Variants in SLC24A2 observed in about 807,000 individuals in gnomAD.
The protein encoded by SLC24A2 is solute carrier family 24 member 2, also known as sodium/potassium/calcium exchanger 2.
Under a neutral mutation model 62.0 loss-of-function variants are expected in SLC24A2, and 36 were observed. That is an observed-to-expected ratio of 0.58 (90% CI 0.44 to 0.77). The LOEUF is 0.77. SLC24A2 is among the 30% of genes least tolerant of loss of function. The probability of loss-of-function intolerance (pLI) is 0.00; values close to 1 mark genes in which losing one functional copy is unlikely to be tolerated. For missense variants in SLC24A2, 846 were observed against 817.9 expected, an observed-to-expected ratio of 1.03 and a Z score of -0.42; for synonymous variants, 358 against 294.0, an observed-to-expected ratio of 1.22 and a Z score of -2.23.
At chr9:19,710,457 T>A (rs113996351) in intron 2 of SLC24A2, among the ~76,000 whole-genome samples, 8 of 152,060 alleles carry the variant, frequency 5.3e-5, no homozygotes, top group Non-Finnish European at 5.9e-5. Context: ...GACATCTACA[T>A]TGAGATATAA....
At chr9:20,075,698 AGG>A in the SLC24A2 span, among the ~76,000 whole-genome samples, 1 of 151,910 alleles carries the variant, frequency 6.6e-6, no homozygotes. Flanking sequence ...TTGAACAATC[AGG>A]GGGGGATACA....
At chr9:19,901,079 A>G in the SLC24A2 span, among the ~76,000 whole-genome samples, 9 of 152,208 alleles carry the variant, frequency 5.9e-5, no homozygotes, top group African/African-American at 1.9e-4. Flanking sequence ...TAATTTATTC[A>G]TTTAGCCAGT....
chr9:19,966,456 A>G, the SLC24A2 span, among the ~76,000 whole-genome samples: 1 of 152,232 alleles, frequency 6.6e-6, no homozygotes, highest in Admixed American at 6.5e-5. Flanking sequence ...AGAGCCAATA[A>G]TTTCTTGTAG....
At chr9:20,072,249 T>G in the SLC24A2 span, among the ~76,000 whole-genome samples, 1 of 152,154 alleles carries the variant, frequency 6.6e-6, no homozygotes. Flanking sequence ...AGATCCTTCT[T>G]GGTCTCTCTG....
intron 2 of SLC24A2, among the ~76,000 whole-genome samples, chr9:19,654,435 T>C (rs1052565769): frequency 6.6e-6 from 1 of 152,154 alleles, no homozygotes. Context: ...CTGGAGAACA[T>C]GGTTTTCTCC....
chr9:19,777,446 T>C (rs1822877694), intron 2 of SLC24A2, among the ~76,000 whole-genome samples: 1 of 152,210 alleles, frequency 6.6e-6, no homozygotes, highest in African/African-American at 2.4e-5. Flanking sequence ...AAATCAGAAA[T>C]TCATGTGTAA....
At chr9:19,627,894 C>T (rs1335097487) in intron 2 of SLC24A2, among the ~76,000 whole-genome samples, 1 of 152,044 alleles carries the variant, frequency 6.6e-6, no homozygotes, top group East Asian at 1.9e-4. Context: ...CTAATTTATT[C>T]CCTCTTTTAA....
chr9:20,188,443 G>A, the SLC24A2 span, among the ~76,000 whole-genome samples: 1 of 152,142 alleles, frequency 6.6e-6, no homozygotes, highest in African/African-American at 2.4e-5. Context: ...GAGCAAATGA[G>A]AGCAAGAGTA....
intron 2 of SLC24A2, among the ~76,000 whole-genome samples, chr9:19,746,550 T>C (rs1019343129): frequency 2.0e-5 from 3 of 152,132 alleles, no homozygotes; most frequent in Non-Finnish European, 2.9e-5. Flanking sequence ...ACTTCTATAA[T>C]AGGAAAAATA....
At chr9:20,283,849 C>A in the SLC24A2 span, among the ~76,000 whole-genome samples, 1 of 152,032 alleles carries the variant, frequency 6.6e-6, no homozygotes, top group Non-Finnish European at 1.5e-5. Flanking sequence ...CTTTTCTTGC[C>A]CTCTGGAATT....
At chr9:19,615,652 T>C (rs140650099) in intron 4 of SLC24A2, among the ~76,000 whole-genome samples, 1 of 152,332 alleles carries the variant, frequency 6.6e-6, no homozygotes, top group Non-Finnish European at 1.5e-5. Context: ...TCTCAGCATC[T>C]CTCAGATTCA....
At chr9:20,092,639 T>C in the SLC24A2 span, among the ~76,000 whole-genome samples, 1,034 of 152,332 alleles carry the variant, frequency 6.8e-3, 13 homozygotes, top group African/African-American at 0.024. Context: ...GTGTACAATG[T>C]GATGATTTGA....
the SLC24A2 span, among the ~76,000 whole-genome samples, chr9:20,112,057 A>G: frequency 6.6e-6 from 1 of 152,216 alleles, no homozygotes; most frequent in Non-Finnish European, 1.5e-5. Context: ...GAAAAAAAGT[A>G]GAGCTAACTG....
At chr9:19,916,549 G>C in the SLC24A2 span, among the ~76,000 whole-genome samples, 1 of 151,948 alleles carries the variant, frequency 6.6e-6, no homozygotes, top group South Asian at 2.1e-4. Context: ...AAATGTGTCT[G>C]TATGTACATC....
At chr9:19,836,450 C>T in the SLC24A2 span, among the ~76,000 whole-genome samples, 15 of 152,272 alleles carry the variant, frequency 9.9e-5, no homozygotes, top group African/African-American at 3.6e-4. Flanking sequence ...CTACAAACAC[C>T]TCTACGCAAA....
At chr9:19,890,725 G>C in the SLC24A2 span, among the ~76,000 whole-genome samples, 1 of 151,980 alleles carries the variant, frequency 6.6e-6, no homozygotes, top group Non-Finnish European at 1.5e-5. Context: ...TTGCCAGGTT[G>C]GTCTTGAATT....
At chr9:19,909,339 C>G in the SLC24A2 span, among the ~76,000 whole-genome samples, 80,357 of 150,494 alleles carry the variant, frequency 0.53, 21,883 homozygotes, top group East Asian at 0.79. Flanking sequence ...TTGTGGGGGA[C>G]GGGGAGGGCG....
chr9:20,186,652 G>T, the SLC24A2 span, among the ~76,000 whole-genome samples: 1 of 151,458 alleles, frequency 6.6e-6, no homozygotes, highest in Non-Finnish European at 1.5e-5. Context: ...GCACCTCCTT[G>T]GAAAATGAAA....
At chr9:19,629,367 T>C (rs899626438) in intron 2 of SLC24A2, among the ~76,000 whole-genome samples, 5 of 152,092 alleles carry the variant, frequency 3.3e-5, no homozygotes, top group Admixed American at 1.3e-4. Context: ...GGTGAGAAAA[T>C]AGTGGCAAGT....
Sources: gnomAD v4.1 joint callset for allele counts (sites outside exome capture counted in the v4.1 genomes callset) on GRCh38, gnomAD v4.1.1 for gene constraint, MANE v1.5 for transcripts, NCBI Gene and HGNC (gene_info 2026-07-23, HGNC 2026-07-21) for gene names.